Variants in NFXL1 observed in about 807,000 individuals in gnomAD.
NFXL1 encodes the protein NF-X1-type zinc finger protein NFXL1.
In NFXL1, 66 loss-of-function variants were observed where a neutral mutation model predicts 123.3. The observed-to-expected ratio is 0.54, with a 90% confidence interval of 0.44 to 0.66. The LOEUF is 0.66. Ranked by LOEUF, NFXL1 falls within the 30% of genes least tolerant of loss-of-function variation. The probability of loss-of-function intolerance (pLI) is 0.00; values close to 1 mark genes in which losing one functional copy is unlikely to be tolerated. For synonymous variants in NFXL1, 346 were observed against 360.8 expected (o/e 0.96, Z 0.46); for missense variants, 944 against 1,125.6 (o/e 0.84, Z 2.31).
At position 47,913,956 on chromosome 4, in the gene NFXL1, G is replaced by C. The variant is rs1173124018; in HGVS notation, c.235+13C>G. 5.2e-6 allele frequency: 8 copies of C among 1,534,122 alleles called. No homozygotes were observed. The highest frequency in any genetic ancestry group is 1.4e-5 in the African/African-American group (1 of 72,826). ...GGCATCCAGGTGAGCACGCGGGCGG[G>C]AGCCATTCTCACCGCTGGCTGCGGT... On this transcript the variant is annotated intron_variant, in intron 2 of 22. Coordinates refer to ENST00000507489, the MANE Select transcript of NFXL1 (RefSeq NM_001278624.2).
chr4:47,878,776 A>G (rs1189224145), intron 16 of NFXL1, 111 bp from the exon 17 acceptor site: 13 of 739,766 alleles, frequency 1.8e-5, no homozygotes, highest in South Asian at 3.3e-5. Context: ...TCAGAAAGGT[A>G]TAAGTTTGCA....
chr4:47,896,594 T>C lies in NFXL1; in HGVS notation c.1258A>G (p.Lys420Glu), dbSNP rs757413018. The C allele has an allele frequency of 1.9e-6, 3 of 1,612,030 alleles. No individual in the cohort carries two copies. The highest frequency in any genetic ancestry group is 2.2e-5 in the East Asian group (1 of 44,848). The change falls in exon 10 of 23, where the codon AAA becomes GAA. Residue 420 changes from lysine to glutamate, a missense_variant. By Grantham distance (56) the Lys-to-Glu change is moderately conservative. Coordinates refer to ENST00000507489, the MANE Select transcript of NFXL1 (RefSeq NM_001278624.2). Reference protein sequence around the residue: ...DVPTCGDSCDKVLECGIHRCS... With the variant: ...DVPTCGDSCDEVLECGIHRCS... ...CTATGGATTCCGCATTCAAGTACTT[T>C]GTCACAACTGTCTCCACAAGTTGGT...
rs186133518 is a variant in NFXL1, at chr4:47,875,579, G to C, written c.2080-286C>G. Reference sequence around the variant, plus strand: ...GGAACCTTAAAATGGACTATATAAAGTATCCCACTAAAAATGTAAATTACT... The same window carrying C: ...GGAACCTTAAAATGGACTATATAAACTATCCCACTAAAAATGTAAATTACT... On this transcript the variant is annotated intron_variant, in intron 17 of 22. Transcript: ENST00000507489. 4.4e-3 allele frequency among the ~76,000 whole-genome samples: 666 copies of C among 152,088 alleles called. 2 individuals carry two copies. Among genetic ancestry groups the C allele is most frequent in the Non-Finnish European group, 7.8e-3 (528 of 67,974 alleles).
At chr4:47,895,923 T>G (rs1215594245) in intron 10 of NFXL1, among the ~76,000 whole-genome samples, 1 of 152,214 alleles carries the variant, frequency 6.6e-6, no homozygotes, top group Non-Finnish European at 1.5e-5. Flanking sequence ...TTCCTTTCAC[T>G]TGAACATTTA....
rs772929866 is a variant in NFXL1 at position 47,848,110 on chromosome 4, T to G, written c.*53A>C. The G allele has an allele frequency of 7.1e-5, 83 of 1,167,026 alleles. No homozygotes were observed. Among genetic ancestry groups the G allele is most frequent in the Non-Finnish European group, 9.8e-5 (80 of 818,070 alleles). The allele number at this position is 1,167,026 out of a possible 1,614,324, so 72.3% of individuals were successfully genotyped here. On this transcript the variant is annotated 3_prime_UTR_variant, in exon 23 of 23. Transcript: ENST00000507489. ...ATATACATTTTCTAATATTTCAAATTTAACAACTTATCTAAATCCAATCTG... is the reference window on the plus strand; with the variant it reads ...ATATACATTTTCTAATATTTCAAATGTAACAACTTATCTAAATCCAATCTG...
At chr4:47,895,466 A>T (rs761908963) in intron 10 of NFXL1, among the ~76,000 whole-genome samples, 7 of 152,204 alleles carry the variant, frequency 4.6e-5, no homozygotes, top group Non-Finnish European at 7.4e-5. Flanking sequence ...GATCATCTGG[A>T]TAACCCGACA....
chr4:47,876,366 A>C (rs553228551), intron 17 of NFXL1, among the ~76,000 whole-genome samples: 1 of 152,264 alleles, frequency 6.6e-6, no homozygotes, highest in African/African-American at 2.4e-5. Context: ...TAAAGATCAC[A>C]TGTGAATAGA....
At chr4:47,879,187 C>T in intron 15 of NFXL1, 70 bp from the exon 16 acceptor site, 1 of 618,758 alleles carries the variant, frequency 1.6e-6, no homozygotes, top group Non-Finnish European at 2.7e-6. Flanking sequence ...AAGATGCTAA[C>T]TCTACTAGCA....
At chr4:47,875,434 T>C (rs1735687659) in intron 17 of NFXL1, 141 bp from the exon 18 acceptor site, 2 of 509,052 alleles carry the variant, frequency 3.9e-6, no homozygotes, top group Admixed American at 3.8e-5. Flanking sequence ...AAACGGTACA[T>C]GCTCTCATTT....
intron 19 of NFXL1, among the ~76,000 whole-genome samples, chr4:47,862,530 C>T (rs574020181): frequency 6.6e-6 from 1 of 152,174 alleles, no homozygotes; most frequent in South Asian, 2.1e-4. Context: ...CTGCTATGAC[C>T]CACATCATTC....
rs1737978917 is a variant in NFXL1 at position 47,913,989 on chromosome 4, A to G, written c.215T>C (p.Leu72Pro). 1 of 1,547,344 alleles carries G rather than the reference A, an allele frequency of 6.5e-7. No homozygotes were observed. ...CTCACCGCTGGCTGCGGTAGTCTGCAGGGCTTGGGATCCTGCGGGGCTGTG... is the reference window on the plus strand; with the variant it reads ...CTCACCGCTGGCTGCGGTAGTCTGCGGGGCTTGGGATCCTGCGGGGCTGTG... Reference protein sequence around the residue: ...SRHSPAGSQALQTTAASELMS... With the variant: ...SRHSPAGSQAPQTTAASELMS... Residue 72 changes from leucine to proline, a missense_variant, in exon 2 of 23, where the codon CTG becomes CCG. Physicochemically the swap from Leu to Pro is moderately conservative, Grantham distance 98. Around this residue, in one of 4 missense-constraint regions of NFXL1, gnomAD observed 303 missense variants for 292.1 expected, o/e 1.04. Transcript: ENST00000507489.
At chr4:47,907,919 A>G (rs1266312789) in intron 3 of NFXL1, among the ~76,000 whole-genome samples, 2 of 152,212 alleles carry the variant, frequency 1.3e-5, no homozygotes, top group African/African-American at 4.8e-5. Context: ...CCTTAGAGTT[A>G]CTTTTTATCA....
At chr4:47,903,825 T>C (rs1283075178) in intron 4 of NFXL1, among the ~76,000 whole-genome samples, 1 of 152,134 alleles carries the variant, frequency 6.6e-6, no homozygotes, top group African/African-American at 2.4e-5. Context: ...ATAAAACCTA[T>C]TAGTCTAACA....
intron 3 of NFXL1, among the ~76,000 whole-genome samples, chr4:47,906,118 A>C (rs565573854): frequency 2.0e-3 from 310 of 152,344 alleles, no homozygotes; most frequent in Non-Finnish European, 3.1e-3. Flanking sequence ...CAGTTACTGC[A>C]GGAAGGTCCA....
Position 47,885,987 on chromosome 4 carries a change from G to A in NFXL1, c.1556C>T (p.Pro519Leu). ...PSVCHRGSCY[P>L]CPETVDVKCN... The stretch of plus-strand genomic sequence containing the variant: ...CTTCACATCTACGGTTTCTGGGCAG[G>A]GATAGCAACTGCCTGAAAAAAAAGT... Residue 519 changes from proline to leucine, a missense_variant, in exon 13 of 23, where the codon CCC becomes CTC. Physicochemically the swap from Pro to Leu is moderately conservative, Grantham distance 98. Transcript: ENST00000507489. The A allele has an allele frequency of 1.2e-6, 2 of 1,609,790 alleles. No individual in the cohort carries two copies. Among genetic ancestry groups the A allele is most frequent in the South Asian group, 1.1e-5 (1 of 89,926 alleles).
intron 12 of NFXL1, among the ~76,000 whole-genome samples, chr4:47,889,573 G>C (rs1736646534): frequency 6.6e-6 from 1 of 152,194 alleles, no homozygotes; most frequent in African/African-American, 2.4e-5. Flanking sequence ...GATCAACTGA[G>C]AAACAGTTCA....
chr4:47,896,515 T>C lies in NFXL1; in HGVS notation c.1329+8A>G, dbSNP rs892055965. The C allele has an allele frequency of 2.0e-5, 32 of 1,609,638 alleles. No individual in the cohort carries two copies. Among genetic ancestry groups the C allele is most frequent in the Non-Finnish European group, 2.5e-5 (29 of 1,176,216 alleles). On this transcript the variant is annotated splice_region_variant and intron_variant, in intron 10 of 22. Coordinates refer to ENST00000507489, the MANE Select transcript of NFXL1 (RefSeq NM_001278624.2). Reference sequence around the variant, plus strand: ...TCTTAAAAGTAATTATTACAGGAGATGACTAACTTGTCTACATGTTTCACA... The same window carrying C: ...TCTTAAAAGTAATTATTACAGGAGACGACTAACTTGTCTACATGTTTCACA...
chr4:47,911,597 A>G (rs1321623697), intron 2 of NFXL1, among the ~76,000 whole-genome samples: 1 of 152,234 alleles, frequency 6.6e-6, no homozygotes, highest in African/African-American at 2.4e-5. Context: ...TGGTCACACA[A>G]AAAAACATAT....
rs760143931 is a variant in NFXL1 at position 47,855,049 on chromosome 4, A to T, written c.2421+10T>A. The T allele has an allele frequency of 8.1e-7, 1 of 1,227,782 alleles. No homozygotes were observed. The allele number at this position is 1,227,782 out of a possible 1,614,324, so 76.1% of individuals were successfully genotyped here. On this transcript the variant is annotated intron_variant, in intron 20 of 22. Transcript: ENST00000507489. ...ATAGAAAAGTATTTTCAATAACTTAAAATATTTACCTTTTTTATTCTTTTA... is the reference window on the plus strand; with the variant it reads ...ATAGAAAAGTATTTTCAATAACTTATAATATTTACCTTTTTTATTCTTTTA...
Sources: gnomAD v4.1 joint callset for allele counts (sites outside exome capture counted in the v4.1 genomes callset) on GRCh38, gnomAD v4.1.1 for gene constraint, gnomAD v4.1.1 regional missense constraint, MANE v1.5 for transcripts, NCBI Gene and HGNC (gene_info 2026-07-23, HGNC 2026-07-21) for gene names.